The following P2RY14 variants were observed in gnomAD, a reference collection of about 807,000 sequenced individuals.
P2RY14 encodes the protein P2Y purinoceptor 14.
A neutral mutation model predicts 0.9 loss-of-function variants in P2RY14; 2 were observed. The ratio of observed to expected loss-of-function variants is 2.16; its 90% CI spans 0.88 to 6.79. The LOEUF is 6.79. Ranked by LOEUF, P2RY14 falls within the 30% of genes most tolerant of loss-of-function variation. The probability of loss-of-function intolerance (pLI) is 0.05; values close to 1 mark genes in which losing one functional copy is unlikely to be tolerated. For missense variants in P2RY14, 378 were observed against 400.1 expected (o/e 0.94, Z 0.47); for synonymous variants, 158 against 147.2 (o/e 1.07, Z -0.53).
chr3:151,248,521 T>C (rs755644444), intron 1 of P2RY14, among the ~76,000 whole-genome samples: 1 of 152,182 alleles, frequency 6.6e-6, no homozygotes, highest in Non-Finnish European at 1.5e-5. Context: ...CCAGCTGTAC[T>C]GGTCCACTTT....
intron 1 of P2RY14, among the ~76,000 whole-genome samples, chr3:151,226,925 G>A (rs1181349045): frequency 6.6e-6 from 1 of 152,188 alleles, no homozygotes; most frequent in East Asian, 1.9e-4. Context: ...AAACTCTTCT[G>A]CAGGGAGAAA....
chr3:151,232,799 A>T (rs1417714597), intron 1 of P2RY14, among the ~76,000 whole-genome samples: 1 of 152,168 alleles, frequency 6.6e-6, no homozygotes, highest in Non-Finnish European at 1.5e-5. Flanking sequence ...GGAGGGTGGG[A>T]GGAGGGAGAG....
chr3:151,270,351 A>C (rs902834119), intron 1 of P2RY14, among the ~76,000 whole-genome samples: 1 of 151,938 alleles, frequency 6.6e-6, no homozygotes, highest in Non-Finnish European at 1.5e-5. Flanking sequence ...TGGGAAAAGG[A>C]TCTCTACCCC....
chr3:151,232,802 A>T (rs753512856), intron 1 of P2RY14, among the ~76,000 whole-genome samples: 3 of 152,186 alleles, frequency 2.0e-5, no homozygotes, highest in Non-Finnish European at 2.9e-5. Flanking sequence ...GGGTGGGAGG[A>T]GGGAGAGGAG....
At chr3:151,221,701 A>G (rs183689924) in intron 1 of P2RY14, among the ~76,000 whole-genome samples, 50 of 152,290 alleles carry the variant, frequency 3.3e-4, no homozygotes, top group Admixed American at 2.9e-3. Context: ...AGATTTCAGA[A>G]TATGTGTGGA....
intron 1 of P2RY14, among the ~76,000 whole-genome samples, chr3:151,247,085 T>A (rs1012066262): frequency 5.9e-5 from 9 of 152,092 alleles, no homozygotes; most frequent in Non-Finnish European, 1.0e-4. Context: ...ACCAGTTAGA[T>A]TGGCAATAAT....
chr3:151,266,934 C>G (rs1173773150), intron 1 of P2RY14, among the ~76,000 whole-genome samples: 1 of 152,176 alleles, frequency 6.6e-6, no homozygotes, highest in African/African-American at 2.4e-5. Flanking sequence ...TCAATCCATT[C>G]TGTCCTGGAG....
intron 1 of P2RY14, among the ~76,000 whole-genome samples, chr3:151,251,500 C>CT (rs976030410): frequency 2.0e-5 from 3 of 152,118 alleles, no homozygotes; most frequent in African/African-American, 7.2e-5. Flanking sequence ...GTCCTCCACT[C>CT]ACCCGTGAGA....
chr3:151,233,763 A>T (rs746759862), intron 1 of P2RY14, among the ~76,000 whole-genome samples: 14 of 152,162 alleles, frequency 9.2e-5, no homozygotes, highest in Admixed American at 3.3e-4. Flanking sequence ...CACAGCACCG[A>T]CTTGAGAGCG....
At chr3:151,215,658 G>T (rs1052377903) in intron 2 of P2RY14, among the ~76,000 whole-genome samples, 1 of 152,162 alleles carries the variant, frequency 6.6e-6, no homozygotes, top group Admixed American at 6.5e-5. Flanking sequence ...AATTCAAAAG[G>T]TTATTTGATA....
intron 1 of P2RY14, among the ~76,000 whole-genome samples, chr3:151,239,938 CAT>C (rs1436321516): frequency 6.6e-6 from 1 of 152,162 alleles, no homozygotes; most frequent in Non-Finnish European, 1.5e-5. Flanking sequence ...GTACAGAACA[CAT>C]ATCTTTCACT....
intron 1 of P2RY14, chr3:151,269,816 T>C (rs1479024034): frequency 4.6e-6 from 2 of 430,652 alleles, no homozygotes; most frequent in East Asian, 6.4e-5. Context: ...AAGGATATAA[T>C]GAAAACGTTC....
chr3:151,261,825 A>G (rs1738968805), intron 1 of P2RY14, among the ~76,000 whole-genome samples: 2 of 152,234 alleles, frequency 1.3e-5, no homozygotes, highest in East Asian at 3.9e-4. Flanking sequence ...CCTGGGTTCA[A>G]TACATTCTTG....
chr3:151,249,395 G>A lies in P2RY14; in HGVS notation c.-133+28892C>T, dbSNP rs540601445. The stretch of plus-strand genomic sequence containing the variant: ...TTGGAAAACCAAAAAATATTTGAGA[G>A]TAAAACATCTGCACGTTTCCTTCTT... On this transcript the variant is annotated intron_variant, in intron 1 of 2. Transcript: ENST00000309170. Among the ~76,000 whole-genome samples, 724 of 152,300 alleles carry A rather than the reference G, an allele frequency of 4.8e-3. 8 individuals are homozygous for A. The highest frequency in any genetic ancestry group is 0.024 in the Middle Eastern group (7 of 294).
chr3:151,260,208 G>A (rs1163358808), intron 1 of P2RY14, among the ~76,000 whole-genome samples: 2 of 152,116 alleles, frequency 1.3e-5, no homozygotes, highest in Admixed American at 6.5e-5. Flanking sequence ...GAAAAGAGCC[G>A]CAACGTCACC....
intron 1 of P2RY14, among the ~76,000 whole-genome samples, chr3:151,239,111 G>C (rs935451699): frequency 6.6e-6 from 1 of 152,172 alleles, no homozygotes; most frequent in Non-Finnish European, 1.5e-5. Flanking sequence ...ATATTAATTA[G>C]TATGATTTTT....
intron 1 of P2RY14, among the ~76,000 whole-genome samples, chr3:151,263,979 A>G (rs1739387519): frequency 6.6e-6 from 1 of 152,100 alleles, no homozygotes; most frequent in African/African-American, 2.4e-5. Context: ...ATCTCTTACC[A>G]CCACTCCTTC....
intron 1 of P2RY14, among the ~76,000 whole-genome samples, chr3:151,222,382 T>C (rs370471744): frequency 4.6e-5 from 7 of 152,296 alleles, no homozygotes; most frequent in East Asian, 3.9e-4. Flanking sequence ...TGGAATGATA[T>C]GGTTTGGCTC....
Position 151,253,189 on chromosome 3 carries a change from G to A in P2RY14, c.-133+25098C>T, listed in dbSNP as rs1577132336. On this transcript the variant is annotated intron_variant, in intron 1 of 2. Coordinates refer to ENST00000309170, the MANE Select transcript of P2RY14 (RefSeq NM_014879.4). ...ACCCTGTATAGTGATATAAATGTCA[G>A]TGTCTGAGATTTAAGAGCCTGTTCC... Among the ~76,000 whole-genome samples, 3 of 152,260 alleles carry A rather than the reference G, an allele frequency of 2.0e-5. No individual in the cohort carries two copies. The South Asian group carries it at 6.2e-4, about 32-fold the overall frequency.
Sources: allele counts gnomAD v4.1 joint callset (sites outside exome capture counted in the v4.1 genomes callset), GRCh38; gene constraint gnomAD v4.1.1; transcripts MANE v1.5; gene names NCBI Gene and HGNC (gene_info 2026-07-23, HGNC 2026-07-21).